Variants in TRPM3 observed in about 807,000 individuals in gnomAD.
The protein encoded by TRPM3 is transient receptor potential cation channel subfamily M member 3.
In TRPM3, 77 loss-of-function variants were observed where a neutral mutation model predicts 181.2. That is an observed-to-expected ratio of 0.42 (90% CI 0.35 to 0.51). The LOEUF is 0.51. Ranked by LOEUF, TRPM3 falls within the 20% of genes least tolerant of loss-of-function variation. The pLI, the probability that TRPM3 is intolerant of heterozygous loss-of-function variation, is 0.01. For missense variants in TRPM3, 1,759 were observed against 2,196.7 expected (o/e 0.80, Z 3.98); for synonymous variants, 745 against 796.4 (o/e 0.94, Z 1.09).
chr9:70,745,402 G>A (rs1265424945), intron 8 of TRPM3, among the ~76,000 whole-genome samples: 1 of 152,068 alleles, frequency 6.6e-6, no homozygotes. Context: ...ACTGTATGTT[G>A]AAAACTCATA....
At chr9:71,056,303 A>G (rs1442293040) in intron 1 of TRPM3, among the ~76,000 whole-genome samples, 2 of 152,084 alleles carry the variant, frequency 1.3e-5, no homozygotes, top group African/African-American at 4.8e-5. Context: ...TTTTCATATT[A>G]TGTTCAAAGG....
chr9:70,981,879 CCAAA>C (rs2097367541), intron 1 of TRPM3, among the ~76,000 whole-genome samples: 1 of 152,094 alleles, frequency 6.6e-6, no homozygotes, highest in African/African-American at 2.4e-5. Flanking sequence ...TGTATTATCC[CCAAA>C]CAAATTGGAC....
At chr9:70,783,925 T>G in intron 7 of TRPM3, 180 bp downstream of exon 7, 5 of 1,351,262 alleles carry the variant, frequency 3.7e-6, no homozygotes, top group Non-Finnish European at 4.8e-6. Flanking sequence ...CACAGGACAT[T>G]TAGAATATGT....
rs999770763 is a variant in TRPM3, at chr9:71,107,962, C to T, written c.177+13216G>A. Among the ~76,000 whole-genome samples the T allele has an allele frequency of 6.6e-5, 10 of 152,248 alleles. 1 individual carries two copies. The South Asian group carries it at 1.4e-3, about 22-fold the overall frequency. ...CAGTCAACCAGAAGAATTGACAAAG[C>T]TTGTGGAACCTTTTGTCAGTGGTGA... On this transcript the variant is annotated intron_variant, in intron 1 of 25. Transcript: ENST00000677713.
intron 24 of TRPM3, among the ~76,000 whole-genome samples, chr9:70,551,469 G>A (rs1021055188): frequency 3.3e-5 from 5 of 152,218 alleles, no homozygotes; most frequent in African/African-American, 1.2e-4. Context: ...ACTGCATGGA[G>A]CTGGCTCCCA....
At chr9:70,838,179 G>T (rs944643975) in intron 5 of TRPM3, among the ~76,000 whole-genome samples, 5 of 152,072 alleles carry the variant, frequency 3.3e-5, no homozygotes, top group Non-Finnish European at 7.4e-5. Context: ...TGACATTAAG[G>T]GTTAACAAGA....
intron 3 of TRPM3, among the ~76,000 whole-genome samples, chr9:70,861,037 C>T (rs2095507127): frequency 6.6e-6 from 1 of 152,096 alleles, no homozygotes; most frequent in East Asian, 1.9e-4. Context: ...TCGCTTCTAA[C>T]CTCCTAATAC....
chr9:70,891,019 C>T lies in TRPM3; in HGVS notation c.178-26508G>A, dbSNP rs563484065. Among the ~76,000 whole-genome samples, 19 of 149,196 alleles carry T rather than the reference C, an allele frequency of 1.3e-4. No homozygotes were observed. In the South Asian group the frequency reaches 1.9e-3, roughly 15 times the overall value. On this transcript the variant is annotated intron_variant, in intron 1 of 25. Transcript: ENST00000677713. The stretch of plus-strand genomic sequence containing the variant: ...GGGAACATCACACTCCGGGGCCTGT[C>T]GTGGGGTGGGGAGAGGGGGGAGGGA...
At chr9:71,042,428 T>C (rs940589317) in intron 1 of TRPM3, among the ~76,000 whole-genome samples, 2 of 152,074 alleles carry the variant, frequency 1.3e-5, no homozygotes, top group African/African-American at 2.4e-5. Flanking sequence ...CCAAAATAGA[T>C]GGCATTTACA....
At chr9:70,907,477 T>G (rs2096483561) in intron 1 of TRPM3, among the ~76,000 whole-genome samples, 1 of 152,226 alleles carries the variant, frequency 6.6e-6, no homozygotes, top group Admixed American at 6.5e-5. Context: ...AGGAAATATA[T>G]GTTAGATGAA....
chr9:70,686,462 ATTCTGATTTTACT>A (rs2066794741), intron 8 of TRPM3, among the ~76,000 whole-genome samples: 1 of 152,130 alleles, frequency 6.6e-6, no homozygotes, highest in African/African-American at 2.4e-5. Flanking sequence ...TTAATTTATT[ATTCTGATTTTACT>A]CTCAGGGCCC....
chr9:71,120,685 G>A (rs547278028), intron 1 of TRPM3, among the ~76,000 whole-genome samples: 212 of 152,276 alleles, frequency 1.4e-3, no homozygotes, highest in African/African-American at 4.8e-3. Flanking sequence ...ATCTTCACCT[G>A]ACTGGCCACC....
At chr9:70,853,924 A>G (rs2095313537) in intron 3 of TRPM3, among the ~76,000 whole-genome samples, 1 of 152,226 alleles carries the variant, frequency 6.6e-6, no homozygotes. Context: ...CCGAGGGATA[A>G]AACACTTTGA....
chr9:71,034,059 A>G (rs1484017847), intron 1 of TRPM3, among the ~76,000 whole-genome samples: 1 of 152,168 alleles, frequency 6.6e-6, no homozygotes, highest in East Asian at 1.9e-4. Flanking sequence ...GAATGTGCAA[A>G]CTCCACATAG....
At chr9:71,170,939 C>T in intron 1 of TRPM3, among the ~76,000 whole-genome samples, 1 of 152,184 alleles carries the variant, frequency 6.6e-6, no homozygotes, top group Non-Finnish European at 1.5e-5. Context: ...CTTTCAAAAG[C>T]AAATGGGAGA....
chr9:71,367,012 A>G (rs1386346318), intron 1 of TRPM3, among the ~76,000 whole-genome samples: 1 of 152,210 alleles, frequency 6.6e-6, no homozygotes, highest in Non-Finnish European at 1.5e-5. Flanking sequence ...GATGAATAGA[A>G]TAACAATTAC....
rs3041716 is a variant in TRPM3 at position 71,332,376 on chromosome 9, G to GGTGTGTGTGTGTGT, written c.183+114263_183+114276dup. Among the ~76,000 whole-genome samples, 357 of 142,314 alleles carry GGTGTGTGTGTGTGT rather than the reference G, an allele frequency of 2.5e-3. 3 individuals are homozygous for GGTGTGTGTGTGTGT. Among genetic ancestry groups the GGTGTGTGTGTGTGT allele is most frequent in the South Asian group, 0.012 (54 of 4,342 alleles). 93.4% of individuals were successfully genotyped at this position (142,314 alleles called of 152,430 possible). Reference sequence around the variant, plus strand: ...TCTAGGTCAGTGGTTTTCAATGTTGGGTGTGTGTGTGTGTGTGTGTGTGTG... The same window carrying GGTGTGTGTGTGTGT: ...TCTAGGTCAGTGGTTTTCAATGTTGGGTGTGTGTGTGTGTGTGTGTGTGTGTGTGTGTGTGTGTG... On this transcript the variant is annotated intron_variant, in intron 1 of 24. Coordinates refer to the TRPM3 transcript ENST00000357533.
intron 1 of TRPM3, among the ~76,000 whole-genome samples, chr9:71,443,575 T>C (rs1332168293): frequency 6.6e-6 from 1 of 152,128 alleles, no homozygotes; most frequent in East Asian, 1.9e-4. Flanking sequence ...CCATACTCCA[T>C]AAGAGCATCA....
At chr9:71,181,367 A>ATTTT (rs59651573) in intron 1 of TRPM3, among the ~76,000 whole-genome samples, 2 of 141,762 alleles carry the variant, frequency 1.4e-5, no homozygotes, top group South Asian at 2.2e-4. Flanking sequence ...GGAAACTGCA[A>ATTTT]TTTTTTTTTT....
Sources: allele counts gnomAD v4.1 joint callset (sites outside exome capture counted in the v4.1 genomes callset), GRCh38; gene constraint gnomAD v4.1.1; transcripts MANE v1.5; gene names NCBI Gene and HGNC (gene_info 2026-07-23, HGNC 2026-07-21).